The following OSBPL1A variants were observed in gnomAD, a reference collection of about 807,000 sequenced individuals.
OSBPL1A encodes oxysterol-binding protein-related protein 1.
In OSBPL1A, 80 loss-of-function variants were observed where a neutral mutation model predicts 137.1. That is an observed-to-expected ratio of 0.58 (90% CI 0.49 to 0.70). The LOEUF (loss-of-function observed/expected upper bound fraction) is 0.70. Among genes scored for constraint, OSBPL1A ranks in the 30% least tolerant of loss-of-function variants. The pLI is 0.00. For synonymous variants in OSBPL1A, 365 were observed against 389.7 expected (o/e 0.94, Z 0.75); for missense variants, 970 against 1,129.4 (o/e 0.86, Z 2.02).
At chr18:24,380,722 C>CAAGT in intron 1 of OSBPL1A, among the ~76,000 whole-genome samples, 1 of 152,112 alleles carries the variant, frequency 6.6e-6, no homozygotes, top group Admixed American at 6.6e-5. Flanking sequence ...GAGACTGAGG[C>CAAGT]GGGTCTATCA....
intron 16 of OSBPL1A, among the ~76,000 whole-genome samples, chr18:24,238,064 G>A (rs968846343): frequency 2.6e-5 from 4 of 151,838 alleles, no homozygotes; most frequent in Admixed American, 2.0e-4. Context: ...TCACTTCCCC[G>A]TCAATCTACA....
intron 4 of OSBPL1A, chr18:24,358,627 T>C: frequency 1.5e-6 from 1 of 661,282 alleles, no homozygotes; most frequent in Non-Finnish European, 2.7e-6. Context: ...TACATAAACA[T>C]GAGAAATGGT....
chr18:24,331,962 C>A (rs931122051), intron 7 of OSBPL1A, among the ~76,000 whole-genome samples: 3 of 152,068 alleles, frequency 2.0e-5, no homozygotes, highest in Non-Finnish European at 2.9e-5. Flanking sequence ...GAAGGTGATG[C>A]CTGGCCTTCT....
chr18:24,260,484 C>T (rs190044955), intron 15 of OSBPL1A, among the ~76,000 whole-genome samples: 4 of 152,266 alleles, frequency 2.6e-5, no homozygotes, highest in East Asian at 3.9e-4. Flanking sequence ...AGGCAAAGTG[C>T]TTATACATGC....
intron 20 of OSBPL1A, among the ~76,000 whole-genome samples, 157 bp from the exon 21 acceptor site, chr18:24,178,352 C>T (rs1312083710): frequency 3.3e-5 from 5 of 152,028 alleles, no homozygotes; most frequent in African/African-American, 9.7e-5. Context: ...GGAGCAGTGG[C>T]GTGATCTTGG....
chr18:24,268,529 T>TG (rs2089638655), intron 15 of OSBPL1A, among the ~76,000 whole-genome samples: 1 of 151,840 alleles, frequency 6.6e-6, no homozygotes, highest in Non-Finnish European at 1.5e-5. Context: ...TACCCCATTT[T>TG]TTTTTGTTTT....
intron 1 of OSBPL1A, among the ~76,000 whole-genome samples, chr18:24,386,786 C>T (rs1049273797): frequency 3.3e-5 from 5 of 151,972 alleles, no homozygotes; most frequent in African/African-American, 1.2e-4. Flanking sequence ...CTATCAAGAC[C>T]CCATCTTTAC....
rs1263196714 is a variant in OSBPL1A at position 24,162,264 on chromosome 18, CA to C, written c.*914del. 1 of 152,180 alleles carries C rather than the reference CA, an allele frequency of 6.6e-6. No homozygotes were observed. The highest frequency in any genetic ancestry group is 1.5e-5 in the Non-Finnish European group (1 of 68,036). The allele number at this position is 152,180 out of a possible 1,614,324, so 9.4% of individuals were successfully genotyped here. Reference sequence around the variant, plus strand: ...AACTACTGTACAGTAGGTCTCCACACATATTTTAAGTACACAGGTACTTTGC... The same window carrying C: ...AACTACTGTACAGTAGGTCTCCACACTATTTTAAGTACACAGGTACTTTGC... On this transcript the variant is annotated 3_prime_UTR_variant, in exon 28 of 28. Coordinates refer to ENST00000319481, the MANE Select transcript of OSBPL1A (RefSeq NM_080597.4).
intron 4 of OSBPL1A, among the ~76,000 whole-genome samples, chr18:24,362,283 C>T (rs1017470330): frequency 3.9e-5 from 6 of 152,010 alleles, no homozygotes; most frequent in African/African-American, 4.8e-5. Flanking sequence ...TCAGGCAAAT[C>T]GAGCCATCTG....
intron 16 of OSBPL1A, among the ~76,000 whole-genome samples, chr18:24,228,118 G>T (rs1314452637): frequency 6.6e-6 from 1 of 152,080 alleles, no homozygotes; most frequent in Non-Finnish European, 1.5e-5. Context: ...AAACTCATCA[G>T]TCACACTGAG....
rs145678199 is a variant in OSBPL1A, at chr18:24,344,372, G to A, written c.283-2714C>T. ...GGAGACTGAGGCACAAGAATTGCTT[G>A]AACCCGGGAGGCAGAGGTTGCAGTG... On this transcript the variant is annotated intron_variant, in intron 4 of 27. Coordinates refer to ENST00000319481, the MANE Select transcript of OSBPL1A (RefSeq NM_080597.4). Among the ~76,000 whole-genome samples, 656 of 152,314 alleles carry A rather than the reference G, an allele frequency of 4.3e-3. 4 individuals are homozygous for A. Among genetic ancestry groups the A allele is most frequent in the African/African-American group, 0.014 (594 of 41,562 alleles).
At chr18:24,241,438 A>C (rs553364550) in intron 15 of OSBPL1A, among the ~76,000 whole-genome samples, 9 of 152,332 alleles carry the variant, frequency 5.9e-5, no homozygotes, top group African/African-American at 1.9e-4. Flanking sequence ...CAAGAAAAAA[A>C]CAAACAACCC....
At position 24,251,658 on chromosome 18, in the gene OSBPL1A, C is replaced by T. The variant is rs987120736; in HGVS notation, c.1282-12276G>A. 1.8e-4 allele frequency among the ~76,000 whole-genome samples: 28 copies of T among 152,242 alleles called. 1 individual carries two copies. The highest frequency in any genetic ancestry group is 1.7e-3 in the Admixed American group (26 of 15,298). On this transcript the variant is annotated intron_variant, in intron 15 of 27. Transcript: ENST00000319481. ...CAATAAATACCTAACTCTTCAATGCCCAGACACCAAAGAACATCGGCAAGC... is the reference window on the plus strand; with the variant it reads ...CAATAAATACCTAACTCTTCAATGCTCAGACACCAAAGAACATCGGCAAGC...
At chr18:24,388,324 C>G (rs182594845) in intron 1 of OSBPL1A, among the ~76,000 whole-genome samples, 119 of 152,220 alleles carry the variant, frequency 7.8e-4, no homozygotes, top group African/African-American at 2.6e-3. Flanking sequence ...AGTAGGCAAC[C>G]AAATATTAGT....
At chr18:24,172,245 C>A in intron 22 of OSBPL1A, 131 bp downstream of exon 22, 1 of 701,766 alleles carries the variant, frequency 1.4e-6, no homozygotes, top group South Asian at 1.9e-5. Context: ...AGATATATTG[C>A]ATGATTCTTA....
chr18:24,163,159 C>G lies in OSBPL1A; in HGVS notation c.*20G>C, dbSNP rs759102114. ...AAGACTTATTTGTAGATTAGCCAAA[C>G]ACCCTGACTTGTATGCATTTTAATA... is the stretch of plus-strand genomic sequence containing the variant. On this transcript the variant is annotated 3_prime_UTR_variant, in exon 28 of 28. Coordinates refer to ENST00000319481, the MANE Select transcript of OSBPL1A (RefSeq NM_080597.4). 4 of 1,551,640 alleles carry G rather than the reference C, an allele frequency of 2.6e-6. No homozygotes were observed. The highest frequency in any genetic ancestry group is 1.8e-6 in the Non-Finnish European group (2 of 1,128,550).
intron 21 of OSBPL1A, among the ~76,000 whole-genome samples, chr18:24,176,121 T>G (rs1373620822): frequency 6.6e-6 from 1 of 152,262 alleles, no homozygotes; most frequent in Non-Finnish European, 1.5e-5. Flanking sequence ...TTATTTTGGC[T>G]GTTCTGTCAT....
At chr18:24,205,838 C>A (rs531063645) in intron 17 of OSBPL1A, among the ~76,000 whole-genome samples, 2 of 152,194 alleles carry the variant, frequency 1.3e-5, no homozygotes, top group Admixed American at 1.3e-4. Flanking sequence ...TGGAGAAAAG[C>A]AGAAAATGAA....
chr18:24,244,029 A>G (rs2088804145), intron 15 of OSBPL1A, among the ~76,000 whole-genome samples: 1 of 152,208 alleles, frequency 6.6e-6, no homozygotes, highest in South Asian at 2.1e-4. Flanking sequence ...ACATTTCAGA[A>G]CACCTAGGGG....
Sources: gnomAD v4.1 joint callset for allele counts (sites outside exome capture counted in the v4.1 genomes callset) on GRCh38, gnomAD v4.1.1 for gene constraint, MANE v1.5 for transcripts, NCBI Gene and HGNC (gene_info 2026-07-23, HGNC 2026-07-21) for gene names.